The following PPIG variants were observed in gnomAD, a reference collection of about 807,000 sequenced individuals.
PPIG encodes peptidylprolyl isomerase G.
A neutral mutation model predicts 87.9 loss-of-function variants in PPIG; 26 were observed. That is an observed-to-expected ratio of 0.30 (90% CI 0.22 to 0.41). The LOEUF (loss-of-function observed/expected upper bound fraction) is 0.41, where lower values mean the gene tolerates loss of function less well. PPIG is among the 10% of genes least tolerant of loss of function. The probability of loss-of-function intolerance (pLI) is 1.00; values close to 1 mark genes in which losing one functional copy is unlikely to be tolerated. For missense variants in PPIG, 722 were observed against 879.4 expected (o/e 0.82, Z 2.26); for synonymous variants, 308 against 276.5 (o/e 1.11, Z -1.13).
chr2:169,591,762 C>T (rs1052143786), intron 1 of PPIG, among the ~76,000 whole-genome samples: 9 of 137,878 alleles, frequency 6.5e-5, no homozygotes, highest in African/African-American at 2.4e-4. Context: ...AGAAATGGGG[C>T]ACAGTGCCAC....
At position 169,608,692 on chromosome 2, in the gene PPIG, A is replaced by C; in HGVS notation, c.311A>C (p.His104Pro). 1.2e-6 allele frequency: 2 copies of C among 1,609,902 alleles called. No homozygotes were observed. The highest frequency in any genetic ancestry group is 1.7e-6 in the Non-Finnish European group (2 of 1,176,436). Residue 104 changes from histidine (H) to proline (P), a missense_variant, in exon 7 of 14, where the codon CAC becomes CCC. By Grantham distance (77) the His-to-Pro change is moderately conservative. Transcript: ENST00000260970. ...FFEDESFAVK[H>P]NKEFLLSMAN... The stretch of plus-strand genomic sequence containing the variant: ...ATAGACGAGAGTTTCGCTGTTAAAC[A>C]CAACAAAGAATTTCTCTTGTCAATG...
rs564226301 is a variant in PPIG at position 169,584,483 on chromosome 2, C to T, written c.-77C>T. 4.5e-4 allele frequency: 213 copies of T among 470,726 alleles called. No homozygotes were observed. The highest frequency in any genetic ancestry group is 1.9e-3 in the Middle Eastern group (6 of 3,078). 29.2% of individuals were successfully genotyped at this position (470,726 alleles called of 1,614,324 possible). On this transcript the variant is annotated 5_prime_UTR_variant, in exon 1 of 14. Coordinates refer to ENST00000260970, the MANE Select transcript of PPIG (RefSeq NM_004792.3). ...GACCCAGAGAAGAGGAAAACTCTAC[C>T]GGTGCAGGTAAGTGGTATGAGGCTC...
rs1488010391 is a variant in PPIG, at chr2:169,604,229, A to G, written c.104A>G (p.Lys35Arg). The G allele has an allele frequency of 2.5e-6, 4 of 1,612,558 alleles. No individual in the cohort carries two copies. In the Admixed American group the frequency reaches 6.7e-5, roughly 27 times the overall value. The change falls in exon 4 of 14, where the codon AAA becomes AGA. Residue 35 changes from lysine to arginine, a missense_variant. Physicochemically the swap from Lys to Arg is conservative, Grantham distance 26 (BLOSUM62 2). Coordinates refer to ENST00000260970, the MANE Select transcript of PPIG (RefSeq NM_004792.3). ...GAATTATTTTCTGATGTGTGCCCCAAAACATGCGAGAACTTTCGTTGTCTT... is the reference window on the plus strand; with the variant it reads ...GAATTATTTTCTGATGTGTGCCCCAGAACATGCGAGAACTTTCGTTGTCTT... ...VFELFSDVCP[K>R]TCENFRCLCT...
chr2:169,594,625 C>CTTTTTTTTTT (rs61375406), intron 1 of PPIG, among the ~76,000 whole-genome samples: 54 of 114,622 alleles, frequency 4.7e-4, no homozygotes, highest in Non-Finnish European at 6.0e-4. Context: ...TCTTTCTTTT[C>CTTTTTTTTTT]TTTTTTTTTT....
chr2:169,601,917 A>AT (rs1338411917), intron 1 of PPIG, among the ~76,000 whole-genome samples: 1 of 151,974 alleles, frequency 6.6e-6, no homozygotes, highest in African/African-American at 2.4e-5. Context: ...AAAAAAAAAA[A>AT]ACTCAGTAAC....
chr2:169,589,652 G>GT (rs1276223125), intron 1 of PPIG, among the ~76,000 whole-genome samples: 4 of 151,630 alleles, frequency 2.6e-5, no homozygotes, highest in African/African-American at 4.8e-5. Context: ...TGGTTTTGGG[G>GT]TTTTTTTGGG....
intron 9 of PPIG, among the ~76,000 whole-genome samples, chr2:169,628,252 A>G (rs1484277957): frequency 6.6e-6 from 1 of 152,166 alleles, no homozygotes; most frequent in Non-Finnish European, 1.5e-5. Context: ...GTATATCCCA[A>G]ACATCTCACA....
chr2:169,594,365 T>C (rs1684960104), intron 1 of PPIG, among the ~76,000 whole-genome samples: 1 of 147,856 alleles, frequency 6.8e-6, no homozygotes, highest in Non-Finnish European at 1.5e-5. Context: ...TTTTTAAAAA[T>C]AATTGTTTCC....
rs147675471 is a variant in PPIG at position 169,598,974 on chromosome 2, G to T, written c.-69-4668G>T. Among the ~76,000 whole-genome samples the T allele has an allele frequency of 2.8e-3, 420 of 151,400 alleles. 9 individuals carry two copies. In the South Asian group the frequency reaches 0.03, roughly 11 times the overall value. On this transcript the variant is annotated intron_variant, in intron 1 of 13. Coordinates refer to ENST00000260970, the MANE Select transcript of PPIG (RefSeq NM_004792.3). ...CCTGTTCCTCCTTTATGGACATTTAGGTTTACAGCCTTTTACTACTACAAA... is the reference window on the plus strand; with the variant it reads ...CCTGTTCCTCCTTTATGGACATTTATGTTTACAGCCTTTTACTACTACAAA...
At chr2:169,604,822 C>T (rs899321301) in intron 4 of PPIG, among the ~76,000 whole-genome samples, 6 of 150,956 alleles carry the variant, frequency 4.0e-5, no homozygotes, top group Admixed American at 2.6e-4. Flanking sequence ...TGCGGTGAGC[C>T]GAGATCGTGC....
At position 169,636,081 on chromosome 2, in the gene PPIG, AT is replaced by A. The variant is rs752465385; in HGVS notation, c.1018-7del. ...TATACATTAATTTTTCCCTATTTTA[AT>A]TTTCTTTAGCGTTATCGAACTCCTT... On this transcript the variant is annotated splice_polypyrimidine_tract_variant and intron_variant, in intron 12 of 13. Transcript: ENST00000260970. 4.4e-6 allele frequency: 7 copies of A among 1,582,248 alleles called. No homozygotes were observed. The highest frequency in any genetic ancestry group is 3.4e-6 in the Non-Finnish European group (4 of 1,165,716).
At chr2:169,602,477 G>C (rs1027198284) in intron 1 of PPIG, among the ~76,000 whole-genome samples, 2 of 152,092 alleles carry the variant, frequency 1.3e-5, no homozygotes, top group Non-Finnish European at 2.9e-5. Context: ...CACCACAGCC[G>C]GCTAATTTTT....
chr2:169,624,600 G>A (rs1685834925), intron 9 of PPIG, among the ~76,000 whole-genome samples: 5 of 151,918 alleles, frequency 3.3e-5, no homozygotes, highest in Admixed American at 3.3e-4. Context: ...TTGTTTGTTT[G>A]TTTTTGAGAT....
chr2:169,627,230 C>G (rs1180594952), intron 9 of PPIG, among the ~76,000 whole-genome samples: 1 of 151,840 alleles, frequency 6.6e-6, no homozygotes, highest in Admixed American at 6.6e-5. Context: ...TCCCTAGTAG[C>G]TGGGATTACG....
chr2:169,594,556 C>G (rs888319755), intron 1 of PPIG, among the ~76,000 whole-genome samples: 1 of 151,292 alleles, frequency 6.6e-6, no homozygotes, highest in African/African-American at 2.4e-5. Flanking sequence ...CTTTTTTCAC[C>G]TGGTATGACT....
chr2:169,633,409 G>T, intron 12 of PPIG, 162 bp downstream of exon 12: 1 of 656,702 alleles, frequency 1.5e-6, no homozygotes. Flanking sequence ...GCTTCTGTAT[G>T]TTGGTACTTC....
At position 169,607,158 on chromosome 2, in the gene PPIG, T is replaced by C; in HGVS notation, c.289+10T>C. The C allele has an allele frequency of 6.8e-7, 1 of 1,468,034 alleles. No individual in the cohort carries two copies. Among genetic ancestry groups the C allele is most frequent in the Non-Finnish European group, 9.5e-7 (1 of 1,056,162 alleles). The allele number at this position is 1,468,034 out of a possible 1,614,324, so 90.9% of individuals were successfully genotyped here. ...GGAGGATTTTTTGAAGGTAAAAATGTTTACATTTATATTATGTTTTAAATA... is the reference window on the plus strand; with the variant it reads ...GGAGGATTTTTTGAAGGTAAAAATGCTTACATTTATATTATGTTTTAAATA... On this transcript the variant is annotated intron_variant, in intron 6 of 13. Coordinates refer to ENST00000260970, the MANE Select transcript of PPIG (RefSeq NM_004792.3).
intron 1 of PPIG, among the ~76,000 whole-genome samples, chr2:169,602,096 A>G (rs866393674): frequency 6.6e-5 from 10 of 152,174 alleles, no homozygotes; most frequent in African/African-American, 2.4e-4. Context: ...TTATTTTTTA[A>G]GTTGTATAAA....
chr2:169,601,257 A>G lies in PPIG; in HGVS notation c.-69-2385A>G, dbSNP rs541011587. On this transcript the variant is annotated intron_variant, in intron 1 of 13. Coordinates refer to ENST00000260970, the MANE Select transcript of PPIG (RefSeq NM_004792.3). ...CCATTTTTTTGTTGTTGTTACTGCA[A>G]TTTTACATTCTCACTTATGCCTATC... Among the ~76,000 whole-genome samples the G allele has an allele frequency of 1.4e-4, 22 of 152,236 alleles. No homozygotes were observed. The East Asian group carries it at 3.1e-3, about 21-fold the overall frequency.
Sources: gnomAD v4.1 joint callset for allele counts (sites outside exome capture counted in the v4.1 genomes callset) on GRCh38, gnomAD v4.1.1 for gene constraint, MANE v1.5 for transcripts, NCBI Gene and HGNC (gene_info 2026-07-23, HGNC 2026-07-21) for gene names.